Variants in SRD5A2 observed in about 807,000 individuals in gnomAD.
The protein encoded by SRD5A2 is 3-oxo-5-alpha-steroid 4-dehydrogenase 2.
In SRD5A2, 30 loss-of-function variants were observed where a neutral mutation model predicts 27.4. That is an observed-to-expected ratio of 1.10 (90% CI 0.82 to 1.49). The LOEUF is 1.49. Among genes scored for constraint, SRD5A2 ranks in the 40% most tolerant of loss-of-function variants. The pLI is 0.00. For synonymous variants in SRD5A2, 141 were observed against 133.6 expected (o/e 1.06, Z -0.38); for missense variants, 348 against 323.4 (o/e 1.08, Z -0.58).
At chr2:31,583,662 G>GA (rs1491124261), upstream of SRD5A2, among the ~76,000 whole-genome samples, 4 of 72,146 alleles carry the variant, frequency 5.5e-5, no homozygotes, top group South Asian at 4.4e-4. Flanking sequence ...CAAAAAAAAA[G>GA]CAAAAAAAAA....
the SRD5A2 span, among the ~76,000 whole-genome samples, chr2:31,646,603 T>C: frequency 6.6e-6 from 1 of 152,128 alleles, no homozygotes; most frequent in African/African-American, 2.4e-5. Context: ...TTACATGGGC[T>C]TCCATGTGCC....
the SRD5A2 span, among the ~76,000 whole-genome samples, chr2:31,646,205 G>A: frequency 6.6e-6 from 1 of 152,030 alleles, no homozygotes; most frequent in African/African-American, 2.4e-5. Flanking sequence ...TTAGAAGTCA[G>A]GTGCCTTCTT....
At chr2:31,589,628 ATTC>A in the SRD5A2 span, among the ~76,000 whole-genome samples, 1 of 152,144 alleles carries the variant, frequency 6.6e-6, no homozygotes, top group African/African-American at 2.4e-5. Flanking sequence ...TCTCACAGAG[ATTC>A]TTCAGGAAGG....
chr2:31,636,874 T>G, the SRD5A2 span, among the ~76,000 whole-genome samples: 1 of 152,088 alleles, frequency 6.6e-6, no homozygotes, highest in African/African-American at 2.4e-5. Flanking sequence ...TTAAGTTTGC[T>G]AGCATTTGGT....
At chr2:31,624,108 G>T in the SRD5A2 span, among the ~76,000 whole-genome samples, 7 of 151,778 alleles carry the variant, frequency 4.6e-5, no homozygotes, top group South Asian at 1.5e-3. Context: ...AATTTTTGTG[G>T]GTAAATAATA....
chr2:31,584,901 A>T (rs1053348104), upstream of SRD5A2, among the ~76,000 whole-genome samples: 1 of 152,222 alleles, frequency 6.6e-6, no homozygotes, highest in African/African-American at 2.4e-5. Flanking sequence ...AGGCACTGAA[A>T]AGGTTGCAGA....
chr2:31,593,595 A>G, the SRD5A2 span, among the ~76,000 whole-genome samples: 152,356 of 152,356 alleles, frequency 1, 76,178 homozygotes, highest in Non-Finnish European at 1. Flanking sequence ...TGAGGAAGAA[A>G]ATAAATCTAA....
the SRD5A2 span, among the ~76,000 whole-genome samples, chr2:31,647,655 A>G: frequency 2.6e-5 from 4 of 152,192 alleles, no homozygotes; most frequent in African/African-American, 9.7e-5. Context: ...CTAACTCCTC[A>G]GTTCTACTCC....
the SRD5A2 span, among the ~76,000 whole-genome samples, chr2:31,647,213 T>G: frequency 6.6e-6 from 1 of 152,126 alleles, no homozygotes; most frequent in East Asian, 1.9e-4. Context: ...AAGAGGAATA[T>G]AGAACAGTGC....
At chr2:31,608,387 G>A in the SRD5A2 span, among the ~76,000 whole-genome samples, 2 of 151,650 alleles carry the variant, frequency 1.3e-5, no homozygotes, top group Non-Finnish European at 2.9e-5. Context: ...GGAAAATTAA[G>A]ATAAAATCTA....
the SRD5A2 span, among the ~76,000 whole-genome samples, chr2:31,656,991 G>A: frequency 2.6e-5 from 4 of 152,124 alleles, no homozygotes; most frequent in South Asian, 2.1e-4. Context: ...CTTCAATGTC[G>A]TTGAAAACAA....
At chr2:31,586,557 G>A in the SRD5A2 span, among the ~76,000 whole-genome samples, 1 of 88,774 alleles carries the variant, frequency 1.1e-5, no homozygotes, top group Admixed American at 1.4e-4. Context: ...ACTGACAGAG[G>A]GACTCTGTTT....
chr2:31,610,462 C>CA, the SRD5A2 span, among the ~76,000 whole-genome samples: 2 of 152,014 alleles, frequency 1.3e-5, no homozygotes, highest in African/African-American at 4.8e-5. Context: ...TAAAAACTCT[C>CA]AAAAAATAGG....
chr2:31,563,202 A>C (rs1666661828), intron 1 of SRD5A2: 1 of 152,126 alleles, frequency 6.6e-6, no homozygotes, highest in African/African-American at 2.4e-5. Flanking sequence ...TCAAGCCTGA[A>C]GATGGAAAGT....
At chr2:31,644,050 G>A in the SRD5A2 span, among the ~76,000 whole-genome samples, 1 of 152,180 alleles carries the variant, frequency 6.6e-6, no homozygotes, top group East Asian at 1.9e-4. Flanking sequence ...CACAGTGGAG[G>A]AATGTTATGG....
Position 31,580,730 on chromosome 2 carries a change from C to T in SRD5A2, c.171G>A (p.Glu57=), listed in dbSNP as rs764992574. 6.2e-7 allele frequency: 1 copy of T among 1,608,532 alleles called. No homozygotes were observed. Among genetic ancestry groups the T allele is most frequent in the South Asian group, 1.1e-5 (1 of 90,982 alleles). ...CCGCGGGCACCGCGAAGGAAGGCAG[C>T]TCCTGCAGGAACCAGGCGGCGCGGG... ...LPARAAWFLQ[E]LPSFAVPAGI... The change falls in exon 1 of 5, where the codon GAG becomes GAA. Residue 57 remains glutamate (E), a synonymous_variant. Coordinates refer to ENST00000622030, the MANE Select transcript of SRD5A2 (RefSeq NM_000348.4).
chr2:31,651,195 C>G, the SRD5A2 span, among the ~76,000 whole-genome samples: 2 of 152,090 alleles, frequency 1.3e-5, no homozygotes, highest in African/African-American at 4.8e-5. Context: ...AAGCATAAAA[C>G]TTAATAGTAG....
At chr2:31,650,840 T>C in the SRD5A2 span, among the ~76,000 whole-genome samples, 1 of 151,918 alleles carries the variant, frequency 6.6e-6, no homozygotes, top group Non-Finnish European at 1.5e-5. Context: ...ATCTCACAGG[T>C]GAGAATCCAG....
Position 31,526,151 on chromosome 2 carries a change from T to C in SRD5A2, c.*45A>G. The stretch of plus-strand genomic sequence containing the variant: ...TTACAGTTTCAGCAGCTTGACAGTT[T>C]TCATCAGCATTGTGGGAGCTCTGCT... On this transcript the variant is annotated 3_prime_UTR_variant, in exon 5 of 5. Transcript: ENST00000622030. 7.9e-7 allele frequency: 1 copy of C among 1,262,964 alleles called. No homozygotes were observed. Among genetic ancestry groups the C allele is most frequent in the Non-Finnish European group, 1.1e-6 (1 of 885,610 alleles). The allele number at this position is 1,262,964 out of a possible 1,614,324, so 78.2% of individuals were successfully genotyped here.
Sources: gnomAD v4.1 joint callset for allele counts (sites outside exome capture counted in the v4.1 genomes callset) on GRCh38, gnomAD v4.1.1 for gene constraint, MANE v1.5 for transcripts, NCBI Gene and HGNC (gene_info 2026-07-23, HGNC 2026-07-21) for gene names.